Variants in PCDHA5 observed in about 807,000 individuals in gnomAD.
PCDHA5 encodes the protein protocadherin alpha 5.
Under a neutral mutation model 61.6 loss-of-function variants are expected in PCDHA5, and 43 were observed. That is an observed-to-expected ratio of 0.70 (90% CI 0.55 to 0.90). The LOEUF (loss-of-function observed/expected upper bound fraction) is 0.90. Among genes scored for constraint, PCDHA5 ranks in the 40% least tolerant of loss-of-function variants. The pLI is 0.00. For synonymous variants in PCDHA5, 627 were observed against 543.9 expected, an observed-to-expected ratio of 1.15 and a Z score of -2.13; for missense variants, 1,298 against 1,222.7, an observed-to-expected ratio of 1.06 and a Z score of -0.92.
intron 1 of PCDHA5, chr5:140,857,908 G>T (rs782073504): frequency 6.3e-7 from 1 of 1,597,722 alleles, no homozygotes; most frequent in South Asian, 1.1e-5. Flanking sequence ...CACGCATCCC[G>T]TTTCGCGTGG....
chr5:140,917,450 G>A (rs1220183879), intron 1 of PCDHA5, among the ~76,000 whole-genome samples: 2 of 152,010 alleles, frequency 1.3e-5, no homozygotes, highest in Non-Finnish European at 2.9e-5. Context: ...CTGCAAGAGC[G>A]TTTGGCATCT....
In PCDHA5 at chr5:140,994,514, G is replaced by A. The variant is rs186617066; in HGVS notation, c.2500+11951G>A. On this transcript the variant is annotated intron_variant, in intron 3 of 3. Transcript: ENST00000529859. Reference sequence around the variant, plus strand: ...ACCCAGGAGTTTGAGAACAGCCTGGGCAACATGGCAAAACCCCATCTCTAC... The same window carrying A: ...ACCCAGGAGTTTGAGAACAGCCTGGACAACATGGCAAAACCCCATCTCTAC... Among the ~76,000 whole-genome samples, 76 of 150,406 alleles carry A rather than the reference G, an allele frequency of 5.1e-4. 1 individual carries two copies. The highest frequency in any genetic ancestry group is 8.8e-5 in the Non-Finnish European group (6 of 67,822).
At chr5:140,837,875 A>C (rs2150280386) in intron 1 of PCDHA5, among the ~76,000 whole-genome samples, 2,117 of 151,504 alleles carry the variant, frequency 0.014, 49 homozygotes, top group African/African-American at 0.049. Flanking sequence ...GACAGGGTGG[A>C]GTCTTGTTTC....
At chr5:140,839,813 C>A (rs1776427171) in intron 1 of PCDHA5, among the ~76,000 whole-genome samples, 1 of 151,938 alleles carries the variant, frequency 6.6e-6, no homozygotes, top group Non-Finnish European at 1.5e-5. Context: ...TAATTGCCTA[C>A]TATGAAGGCA....
At position 140,856,269 on chromosome 5, in the gene PCDHA5, T is replaced by C. The variant is rs367902357; in HGVS notation, c.2352+32142T>C. On this transcript the variant is annotated intron_variant, in intron 1 of 3. Transcript: ENST00000529859. ...GCGTCCAAAAGACACGGGGACCTTC[T>C]GGAGGTAAATCTGCAGAATGGCATT... 5.2e-5 allele frequency: 83 copies of C among 1,598,182 alleles called. 3 individuals are homozygous for C. In the South Asian group the frequency reaches 5.5e-4, roughly 11 times the overall value.
At chr5:140,891,838 A>G (rs1479578181) in intron 1 of PCDHA5, among the ~76,000 whole-genome samples, 1 of 152,164 alleles carries the variant, frequency 6.6e-6, no homozygotes, top group African/African-American at 2.4e-5. Context: ...AAAGGACTTG[A>G]TGGAAGGAGC....
At chr5:140,853,965 C>A (rs1349706249) in intron 1 of PCDHA5, 2 of 649,666 alleles carry the variant, frequency 3.1e-6, no homozygotes, top group African/African-American at 2.0e-5. Context: ...TTGAGCCCAG[C>A]AGTTTGAGAC....
At position 140,842,682 on chromosome 5, in the gene PCDHA5, C is replaced by T. The variant is rs2150341934; in HGVS notation, c.2352+18555C>T. The stretch of plus-strand genomic sequence containing the variant: ...GCCGACGTGAACGACAATGCTCCGG[C>T]GTTCGCGCAGCCCGAGTACACGGTG... On this transcript the variant is annotated intron_variant, in intron 1 of 3. Coordinates refer to ENST00000529859, the MANE Select transcript of PCDHA5 (RefSeq NM_018908.3). 2.1e-5 allele frequency: 34 copies of T among 1,595,356 alleles called. 3 individuals are homozygous for T. The Middle Eastern group carries it at 5.3e-4, about 25-fold the overall frequency.
At chr5:140,829,748 G>C in intron 1 of PCDHA5, 1 of 1,613,722 alleles carries the variant, frequency 6.2e-7, no homozygotes, top group Non-Finnish European at 8.5e-7. Context: ...GACGCTGCAG[G>C]TGTTCGTGCT....
chr5:140,869,502 C>G (rs2051182557), intron 1 of PCDHA5: 1 of 1,614,090 alleles, frequency 6.2e-7, no homozygotes, highest in African/African-American at 1.3e-5. Context: ...CGCCGGTGTT[C>G]TCGCTCAGAG....
At chr5:140,982,823 G>A (rs1187029355) in intron 3 of PCDHA5, among the ~76,000 whole-genome samples, 2 of 151,450 alleles carry the variant, frequency 1.3e-5, no homozygotes, top group South Asian at 2.1e-4. Context: ...GAAGTTTTTG[G>A]GGTTTGTTTG....
Position 140,823,570 on chromosome 5 carries a change from G to C in PCDHA5, c.1795G>C (p.Asp599His). The change falls in exon 1 of 4, where the codon GAT (aspartate) becomes CAT (histidine). Residue 599 changes from aspartate (D) to histidine (H), a missense_variant. Coordinates refer to ENST00000529859, the MANE Select transcript of PCDHA5 (RefSeq NM_018908.3). Reference protein sequence around the residue: ...VVAKVRAVDPDSGYNAWLSYE... With the variant: ...VVAKVRAVDPHSGYNAWLSYE... ...GGCGAAGGTGCGCGCAGTGGACCCT[G>C]ATTCGGGCTACAACGCTTGGCTTTC... 6.2e-7 allele frequency: 1 copy of C among 1,613,982 alleles called. No individual in the cohort carries two copies. The highest frequency in any genetic ancestry group is 8.5e-7 in the Non-Finnish European group (1 of 1,179,916).
At chr5:140,857,987 C>A (rs1562532129) in intron 1 of PCDHA5, 2 of 1,596,876 alleles carry the variant, frequency 1.3e-6, no homozygotes, top group East Asian at 4.5e-5. Context: ...CCAGCGCCTA[C>A]TGGTGCTGGT....
chr5:141,002,614 T>C (rs2098088159), intron 3 of PCDHA5, among the ~76,000 whole-genome samples: 1 of 152,130 alleles, frequency 6.6e-6, no homozygotes, highest in Non-Finnish European at 1.5e-5. Context: ...AACAGACACA[T>C]AACACAGACA....
chr5:140,821,944 G>A lies in PCDHA5; in HGVS notation c.169G>A (p.Glu57Lys). 2 of 1,614,180 alleles carry A rather than the reference G, an allele frequency of 1.2e-6. No homozygotes were observed. Among genetic ancestry groups the A allele is most frequent in the South Asian group, 1.1e-5 (1 of 91,080 alleles). Residue 57 changes from glutamate to lysine, a missense_variant, in exon 1 of 4, where the codon GAG becomes AAG. By Grantham distance (56) the Glu-to-Lys change is moderately conservative. Coordinates refer to ENST00000529859, the MANE Select transcript of PCDHA5 (RefSeq NM_018908.3). ...IAQDLGLELAELVPRLFRVAS... is the reference protein window; with the variant it reads ...IAQDLGLELAKLVPRLFRVAS... ...GCAGGACCTAGGGCTGGAGCTGGCG[G>A]AGCTGGTGCCGCGCCTGTTCCGGGT... is the stretch of plus-strand genomic sequence containing the variant.
At chr5:140,933,446 C>T (rs543444309) in intron 1 of PCDHA5, among the ~76,000 whole-genome samples, 1 of 151,990 alleles carries the variant, frequency 6.6e-6, no homozygotes, top group Non-Finnish European at 1.5e-5. Flanking sequence ...AATGACATAC[C>T]TTCAAAATAT....
chr5:141,004,697 T>A (rs2098177211), intron 3 of PCDHA5, among the ~76,000 whole-genome samples: 3 of 152,184 alleles, frequency 2.0e-5, no homozygotes, highest in Admixed American at 2.0e-4. Flanking sequence ...AAACCCAGTT[T>A]TAGGTGCCGA....
At chr5:140,967,428 C>T (rs782709354) in intron 1 of PCDHA5, 2 of 1,613,402 alleles carry the variant, frequency 1.2e-6, no homozygotes, top group East Asian at 4.5e-5. Context: ...GAGCAGGCAG[C>T]CTTGCACCAC....
chr5:140,869,431 G>T lies in PCDHA5; in HGVS notation c.2352+45304G>T, dbSNP rs782430805. ...GTGCAGCATCCACCTGGAGGTGATC[G>T]TGGACAGGCCGCTGCAGGTTTTCCA... is the stretch of plus-strand genomic sequence containing the variant. On this transcript the variant is annotated intron_variant, in intron 1 of 3. Transcript: ENST00000529859. The T allele has an allele frequency of 3.7e-6, 6 of 1,614,204 alleles. No individual in the cohort carries two copies. In the South Asian group the frequency reaches 5.5e-5, roughly 15 times the overall value.
Sources: allele counts gnomAD v4.1 joint callset (sites outside exome capture counted in the v4.1 genomes callset), GRCh38; gene constraint gnomAD v4.1.1; transcripts MANE v1.5; gene names NCBI Gene and HGNC (gene_info 2026-07-23, HGNC 2026-07-21).